The following OR56A3 variants were observed in gnomAD, a reference collection of about 807,000 sequenced individuals.
OR56A3 encodes olfactory receptor 56A3.
A neutral mutation model predicts 17.5 loss-of-function variants in OR56A3; 23 were observed. The observed-to-expected ratio is 1.32, with a 90% CI of 0.95 to 1.87. OR56A3 has a LOEUF of 1.87. Ranked by LOEUF, OR56A3 falls within the 40% of genes most tolerant of loss-of-function variation. The probability of loss-of-function intolerance (pLI) is 0.00; values close to 1 mark genes in which losing one functional copy is unlikely to be tolerated. For synonymous variants in OR56A3, 175 were observed against 150.6 expected (o/e 1.16, Z -1.19); for missense variants, 366 against 380.1 (o/e 0.96, Z 0.31).
the OR56A3 span, among the ~76,000 whole-genome samples, chr11:5,977,402 C>A: frequency 6.6e-6 from 1 of 152,102 alleles, no homozygotes; most frequent in African/African-American, 2.4e-5. Flanking sequence ...TTATAATAGC[C>A]ATTTGACTGC....
At chr11:6,015,407 A>C in the OR56A3 span, among the ~76,000 whole-genome samples, 1 of 152,196 alleles carries the variant, frequency 6.6e-6, no homozygotes, top group Non-Finnish European at 1.5e-5. Flanking sequence ...CAGAGAGTGC[A>C]ATATGGGGTT....
chr11:5,986,576 T>C, the OR56A3 span: 44 of 1,613,788 alleles, frequency 2.7e-5, no homozygotes, highest in African/African-American at 4.9e-4. Flanking sequence ...ATGAAGAACA[T>C]CTGGATCAGG....
At chr11:5,954,530 A>C (rs538782063), downstream of OR56A3, among the ~76,000 whole-genome samples, 1 of 152,196 alleles carries the variant, frequency 6.6e-6, no homozygotes, top group Non-Finnish European at 1.5e-5. Context: ...TTGTTCCCTT[A>C]TAAGTTGATC....
chr11:5,971,577 A>T, the OR56A3 span, among the ~76,000 whole-genome samples: 5 of 152,184 alleles, frequency 3.3e-5, no homozygotes, highest in Non-Finnish European at 7.3e-5. Context: ...ATAAGAGAGG[A>T]GGGTATGACG....
Position 5,947,325 on chromosome 11 carries a change from G to T in OR56A3, c.-22G>T, listed in dbSNP as rs764245911. 1.3e-6 allele frequency: 2 copies of T among 1,542,282 alleles called. No individual in the cohort carries two copies. Among genetic ancestry groups the T allele is most frequent in the Admixed American group, 4.0e-5 (2 of 50,346 alleles). ...TAATTTTCCAGATCACTGAAAGAAA[G>T]CAGTAAAATATATGGGAAAATATGA... On this transcript the variant is annotated 5_prime_UTR_variant, in exon 3 of 3. Coordinates refer to ENST00000641160, the MANE Select transcript of OR56A3 (RefSeq NM_001003443.3).
the OR56A3 span, among the ~76,000 whole-genome samples, chr11:5,985,600 G>C: frequency 6.6e-6 from 1 of 152,166 alleles, no homozygotes; most frequent in Non-Finnish European, 1.5e-5. Flanking sequence ...TACAATTCCA[G>C]ACAGTGTTGC....
chr11:5,997,442 T>C, the OR56A3 span, among the ~76,000 whole-genome samples: 5 of 152,184 alleles, frequency 3.3e-5, no homozygotes, highest in African/African-American at 1.2e-4. Context: ...CCCTCTGAGG[T>C]TCCAGAAGCT....
At chr11:6,008,649 C>T in the OR56A3 span, among the ~76,000 whole-genome samples, 4 of 151,862 alleles carry the variant, frequency 2.6e-5, no homozygotes, top group Non-Finnish European at 5.9e-5. Flanking sequence ...GATAATGAAC[C>T]TTTCAATACA....
chr11:6,002,755 C>T, the OR56A3 span: 76 of 1,613,844 alleles, frequency 4.7e-5, no homozygotes, highest in African/African-American at 7.9e-4. Flanking sequence ...TTGGGGATGA[C>T]GGTGAGGCAG....
At chr11:5,994,318 A>C in the OR56A3 span, 1 of 668,164 alleles carries the variant, frequency 1.5e-6, no homozygotes, top group Non-Finnish European at 2.8e-6. Flanking sequence ...GGCGGACTGC[A>C]TGTGACCACT....
chr11:5,956,195 A>G (rs982816016), downstream of OR56A3, among the ~76,000 whole-genome samples: 18 of 152,302 alleles, frequency 1.2e-4, no homozygotes, highest in African/African-American at 4.1e-4. Context: ...GATGAATCCA[A>G]TTTTTCTGAA....
chr11:5,994,927 C>G, the OR56A3 span: 1 of 749,708 alleles, frequency 1.3e-6, no homozygotes, highest in Admixed American at 1.7e-5. Context: ...CCTTCTCATT[C>G]TGGATGCCTC....
the OR56A3 span, among the ~76,000 whole-genome samples, chr11:5,975,015 G>T: frequency 6.6e-6 from 1 of 151,926 alleles, no homozygotes. Flanking sequence ...TTTCCTACTG[G>T]GAACCAACTG....
chr11:5,970,788 TC>T, the OR56A3 span, among the ~76,000 whole-genome samples: 1 of 152,100 alleles, frequency 6.6e-6, no homozygotes, highest in Admixed American at 6.5e-5. Context: ...CTCCTTTCTC[TC>T]CCGAATCCAC....
the OR56A3 span, among the ~76,000 whole-genome samples, chr11:5,963,026 C>T: frequency 6.6e-6 from 1 of 152,088 alleles, no homozygotes; most frequent in Non-Finnish European, 1.5e-5. Context: ...TGTATTTCTG[C>T]GATATCAGTT....
chr11:5,947,715 C>G lies in OR56A3; in HGVS notation c.369C>G (p.Ala123=), dbSNP rs1564799842. 6.2e-7 allele frequency: 1 copy of G among 1,614,208 alleles called. No individual in the cohort carries two copies. The highest frequency in any genetic ancestry group is 8.5e-7 in the Non-Finnish European group (1 of 1,180,036). The part of the protein sequence containing the change: ...AMESCTFMVM[A]YDRYVAICHP... ...AGTCTTGCACATTCATGGTCATGGC[C>G]TATGATCGTTATGTAGCCATCTGCC... Residue 123 remains alanine, a synonymous_variant, in exon 3 of 3, where the codon GCC becomes GCG. Transcript: ENST00000641160.
At chr11:5,985,298 G>A in the OR56A3 span, among the ~76,000 whole-genome samples, 24 of 152,156 alleles carry the variant, frequency 1.6e-4, no homozygotes, top group African/African-American at 5.8e-4. Flanking sequence ...AAAATACAAA[G>A]AGATATCTTT....
Position 5,947,398 on chromosome 11 carries a change from T to C in OR56A3, c.52T>C (p.Leu18=). The part of the protein sequence containing the change: ...TLSTEASDFL[L]NCFVRSPSWQ... The stretch of plus-strand genomic sequence containing the variant: ...CTCCACTGAAGCTTCAGACTTCCTC[T>C]TGAATTGTTTTGTCAGATCCCCCAG... The change falls in exon 3 of 3, where the codon TTG becomes CTG. Residue 18 remains leucine (L), a synonymous_variant. Transcript: ENST00000641160. 1 of 1,613,956 alleles carries C rather than the reference T, an allele frequency of 6.2e-7. No homozygotes were observed.
At chr11:5,999,126 G>A in the OR56A3 span, among the ~76,000 whole-genome samples, 2 of 152,176 alleles carry the variant, frequency 1.3e-5, no homozygotes, top group Non-Finnish European at 2.9e-5. Context: ...GCACCCAATA[G>A]TTTGGAGTTC....
Sources: gnomAD v4.1 joint callset for allele counts (sites outside exome capture counted in the v4.1 genomes callset) on GRCh38, gnomAD v4.1.1 for gene constraint, MANE v1.5 for transcripts, NCBI Gene and HGNC (gene_info 2026-07-23, HGNC 2026-07-21) for gene names.